The following RANBP10 variants were observed in gnomAD, a reference collection of about 807,000 sequenced individuals.
RANBP10 encodes the protein RAN binding protein 10.
A neutral mutation model predicts 72.8 loss-of-function variants in RANBP10; 24 were observed. That is an observed-to-expected ratio of 0.33 (90% CI 0.24 to 0.46). RANBP10 has a LOEUF of 0.46. RANBP10 is among the 20% of genes least tolerant of loss of function. The pLI, the probability that RANBP10 is intolerant of heterozygous loss-of-function variation, is 1.00. For missense variants in RANBP10, 679 were observed against 817.5 expected (o/e 0.83, Z 2.07); for synonymous variants, 310 against 322.3 (o/e 0.96, Z 0.41).
intron 2 of RANBP10, among the ~76,000 whole-genome samples, chr16:67,785,646 T>C (rs1366362368): frequency 1.3e-5 from 2 of 149,236 alleles, no homozygotes; most frequent in Non-Finnish European, 3.0e-5. Flanking sequence ...GAGAATCACT[T>C]GAACCCGGGA....
Position 67,726,120 on chromosome 16 carries a change from A to G in RANBP10, c.*308T>C. 1 of 317,196 alleles carries G rather than the reference A, an allele frequency of 3.2e-6. No individual in the cohort carries two copies. Among genetic ancestry groups the G allele is most frequent in the Non-Finnish European group, 6.1e-6 (1 of 164,740 alleles). The allele number at this position is 317,196 out of a possible 1,614,324, so 19.6% of individuals were successfully genotyped here. A position where few individuals can be genotyped will look rare whatever the true frequency, so the allele number is the denominator to read the frequency against. On this transcript the variant is annotated 3_prime_UTR_variant, in exon 14 of 14. Coordinates refer to ENST00000317506, the MANE Select transcript of RANBP10 (RefSeq NM_020850.3). ...ATACTGGTGGCTCAGTCAGGAGAAA[A>G]AAATTTAAAAACCCCAACCCCTCCT... is the stretch of plus-strand genomic sequence containing the variant.
At chr16:67,754,981 C>A (rs1272054890) in intron 3 of RANBP10, among the ~76,000 whole-genome samples, 2 of 152,162 alleles carry the variant, frequency 1.3e-5, no homozygotes. Context: ...GAAACTGAGG[C>A]ACTAAGAGGC....
chr16:67,754,233 C>T (rs892977681), intron 3 of RANBP10, among the ~76,000 whole-genome samples: 3 of 151,840 alleles, frequency 2.0e-5, no homozygotes, highest in East Asian at 1.9e-4. Context: ...AAGTAGCCAG[C>T]GGCTGAACAA....
Position 67,729,295 on chromosome 16 carries a change from C to T in RANBP10, c.1337G>A (p.Ser446Asn). The change falls in exon 10 of 14, where the codon AGT becomes AAT. Residue 446 changes from serine (S) to asparagine (N), a missense_variant. Coordinates refer to ENST00000317506, the MANE Select transcript of RANBP10 (RefSeq NM_020850.3). This position sits in a 1 kb window ranked among gnomAD's most constrained non-coding sequence, Gnocchi z 7.1. ...AGGCAGGCACCTGGTCTCCTGGTTA[C>T]TGGTACTGCTGTGGTGCTGGGACTT... ...STKSQHHSST[S>N]NQETSDSEME... 2 of 1,612,418 alleles carry T rather than the reference C, an allele frequency of 1.2e-6. No homozygotes were observed.
chr16:67,729,225 G>A lies in RANBP10; in HGVS notation c.1352+55C>T. Reference sequence around the variant, plus strand: ...GGGCGCTCAAAGGACAGACTGCAATGGGCCCAGCTGGCATAAGGCAGAAGG... The same window carrying A: ...GGGCGCTCAAAGGACAGACTGCAATAGGCCCAGCTGGCATAAGGCAGAAGG... On this transcript the variant is annotated intron_variant, in intron 10 of 13. Coordinates refer to ENST00000317506, the MANE Select transcript of RANBP10 (RefSeq NM_020850.3). The surrounding 1 kb of genome is among the most constrained non-coding windows in gnomAD (Gnocchi z 7.1). 6.3e-7 allele frequency: 1 copy of A among 1,591,708 alleles called. No individual in the cohort carries two copies. Among genetic ancestry groups the A allele is most frequent in the Non-Finnish European group, 8.6e-7 (1 of 1,168,230 alleles).
intron 2 of RANBP10, among the ~76,000 whole-genome samples, chr16:67,780,180 C>T (rs1025923765): frequency 6.6e-6 from 1 of 151,928 alleles, no homozygotes; most frequent in African/African-American, 2.4e-5. Context: ...TGCAGTGAGC[C>T]GAGATTGCGC....
intron 2 of RANBP10, among the ~76,000 whole-genome samples, 173 bp downstream of exon 2, chr16:67,805,255 A>G (rs2055338611): frequency 6.6e-6 from 1 of 152,216 alleles, no homozygotes; most frequent in Non-Finnish European, 1.5e-5. Flanking sequence ...CCCACTGGCC[A>G]TCAAGATCTG....
At chr16:67,728,931 T>A (rs1219245813) in intron 10 of RANBP10, among the ~76,000 whole-genome samples, 1 of 152,172 alleles carries the variant, frequency 6.6e-6, no homozygotes, top group Non-Finnish European at 1.5e-5. Context: ...CGGCTTAGCT[T>A]CCCCTGCCTG....
At chr16:67,742,145 A>G (rs1049826043) in intron 4 of RANBP10, among the ~76,000 whole-genome samples, 2 of 151,688 alleles carry the variant, frequency 1.3e-5, no homozygotes, top group Non-Finnish European at 2.9e-5. Flanking sequence ...CCTGGGCTCA[A>G]GCAATCTGCC....
At chr16:67,744,729 G>T (rs1017846307) in intron 3 of RANBP10, among the ~76,000 whole-genome samples, 1 of 152,264 alleles carries the variant, frequency 6.6e-6, no homozygotes, top group Non-Finnish European at 1.5e-5. Context: ...CATACCAGAG[G>T]GTGGTACAAC....
intron 2 of RANBP10, among the ~76,000 whole-genome samples, chr16:67,800,864 C>T (rs1405357934): frequency 1.3e-5 from 2 of 152,196 alleles, no homozygotes; most frequent in African/African-American, 4.8e-5. Context: ...AACTCCTACT[C>T]ATTCCTCCCA....
rs1247330525 is a variant in RANBP10 at position 67,726,350 on chromosome 16, CCA to C, written c.*76_*77del. On this transcript the variant is annotated 3_prime_UTR_variant, in exon 14 of 14. Transcript: ENST00000317506. ...TGTCTATGGTTTCCCAGTCCCTGCACCAGTTGCCTATGGAGGGCAGGGCAGCT... is the reference window on the plus strand; with the variant it reads ...TGTCTATGGTTTCCCAGTCCCTGCACGTTGCCTATGGAGGGCAGGGCAGCT... 1 of 1,592,744 alleles carries C rather than the reference CCA, an allele frequency of 6.3e-7. No individual in the cohort carries two copies. The highest frequency in any genetic ancestry group is 2.3e-5 in the East Asian group (1 of 44,314).
intron 5 of RANBP10, among the ~76,000 whole-genome samples, chr16:67,737,210 T>C (rs2053869158): frequency 7.2e-6 from 1 of 139,596 alleles, no homozygotes; most frequent in Non-Finnish European, 1.6e-5. Flanking sequence ...TTTTTTTTTT[T>C]TTTTTTTTGA....
intron 2 of RANBP10, among the ~76,000 whole-genome samples, chr16:67,789,004 G>GAA (rs762821239): frequency 2.8e-5 from 3 of 107,332 alleles, no homozygotes; most frequent in Non-Finnish European, 5.7e-5. Context: ...CTCAAAAGAG[G>GAA]AAAAAAAAAA....
chr16:67,731,657 C>T, intron 6 of RANBP10, 73 bp from the exon 7 acceptor site: 2 of 1,112,886 alleles, frequency 1.8e-6, no homozygotes, highest in African/African-American at 1.6e-5. Flanking sequence ...GGACTCAGGA[C>T]AGATTACCTC....
chr16:67,799,499 C>G (rs561528060), intron 2 of RANBP10, among the ~76,000 whole-genome samples: 62 of 152,064 alleles, frequency 4.1e-4, no homozygotes, highest in East Asian at 9.7e-4. Flanking sequence ...ATGTTAGCCA[C>G]GATGGTCTCG....
intron 6 of RANBP10, among the ~76,000 whole-genome samples, chr16:67,733,949 G>A (rs937233794): frequency 2.6e-5 from 4 of 152,154 alleles, no homozygotes; most frequent in East Asian, 1.9e-4. Flanking sequence ...TGGGAGTGGC[G>A]CTGTCCTGGC....
intron 3 of RANBP10, among the ~76,000 whole-genome samples, chr16:67,768,242 C>T (rs146434839): frequency 2.0e-5 from 3 of 151,488 alleles, no homozygotes; most frequent in Non-Finnish European, 2.9e-5. Flanking sequence ...CAAAAACGGC[C>T]GGGCGTGGTG....
At chr16:67,753,787 ATGGCATCCAGGTTTC>A (rs1166462672) in intron 3 of RANBP10, among the ~76,000 whole-genome samples, 7 of 152,122 alleles carry the variant, frequency 4.6e-5, no homozygotes, top group African/African-American at 1.7e-4. Context: ...GGAAAAAAGG[ATGGCATCCAGGTTTC>A]TGGCCTGAGC....
Sources: gnomAD v4.1 joint callset for allele counts (sites outside exome capture counted in the v4.1 genomes callset) on GRCh38, gnomAD v4.1.1 for gene constraint, Gnocchi (gnomAD v3.1) non-coding constraint, MANE v1.5 for transcripts, NCBI Gene and HGNC (gene_info 2026-07-23, HGNC 2026-07-21) for gene names.